CRIM1: variants seen among roughly 807,000 people sequenced by gnomAD.
CRIM1 encodes the protein cysteine-rich motor neuron 1 protein.
A neutral mutation model predicts 116.4 loss-of-function variants in CRIM1; 32 were observed. The observed-to-expected ratio is 0.27, with a 90% CI of 0.21 to 0.37. The LOEUF is 0.37. Among genes scored for constraint, CRIM1 ranks in the 10% least tolerant of loss-of-function variants. The pLI is 1.00. For synonymous variants in CRIM1, 590 were observed against 509.2 expected (o/e 1.16, Z -2.13); for missense variants, 1,331 against 1,354.8 (o/e 0.98, Z 0.28).
At chr2:36,432,223 T>C (rs848500) in intron 2 of CRIM1, among the ~76,000 whole-genome samples, 91,619 of 151,996 alleles carry the variant, frequency 0.6, 27,703 homozygotes, top group African/African-American at 0.65. Flanking sequence ...CAGAGAAGAC[T>C]GTAGTTTATT....
At chr2:36,367,640 C>T (rs1669685806) in intron 1 of CRIM1, among the ~76,000 whole-genome samples, 1 of 152,176 alleles carries the variant, frequency 6.6e-6, no homozygotes, top group Non-Finnish European at 1.5e-5. Context: ...CTTGTGTTTG[C>T]AGAGCCAGGG....
At chr2:36,384,877 G>A (rs557366004) in intron 1 of CRIM1, among the ~76,000 whole-genome samples, 1 of 152,286 alleles carries the variant, frequency 6.6e-6, no homozygotes, top group South Asian at 2.1e-4. Context: ...CTAACCATGT[G>A]GATCTTAATG....
chr2:36,360,202 C>T (rs956075958), intron 1 of CRIM1, among the ~76,000 whole-genome samples: 1 of 152,180 alleles, frequency 6.6e-6, no homozygotes, highest in Non-Finnish European at 1.5e-5. Flanking sequence ...GGTGAGAGAG[C>T]ATGACCAGCC....
intron 4 of CRIM1, among the ~76,000 whole-genome samples, chr2:36,447,772 A>G (rs372464383): frequency 5.3e-4 from 80 of 152,246 alleles, no homozygotes; most frequent in African/African-American, 1.9e-3. Context: ...ATCCACCCTA[A>G]TCTACATTTA....
chr2:36,373,434 T>C (rs1670076757), intron 1 of CRIM1, among the ~76,000 whole-genome samples: 1 of 152,232 alleles, frequency 6.6e-6, no homozygotes, highest in African/African-American at 2.4e-5. Context: ...TGGCTTAACC[T>C]GAGTCCTGAC....
At chr2:36,522,804 A>C (rs886714343) in intron 13 of CRIM1, among the ~76,000 whole-genome samples, 1 of 148,824 alleles carries the variant, frequency 6.7e-6, no homozygotes, top group African/African-American at 2.5e-5. Flanking sequence ...TCCATCTCAA[A>C]AAAAAAAAAA....
At chr2:36,465,872 A>C (rs913346647) in intron 5 of CRIM1, among the ~76,000 whole-genome samples, 14 of 151,792 alleles carry the variant, frequency 9.2e-5, no homozygotes, top group African/African-American at 3.2e-4. Flanking sequence ...CCTCAGATGT[A>C]AATAATCTTT....
chr2:36,458,816 G>A (rs28622501), intron 4 of CRIM1, among the ~76,000 whole-genome samples: 41,482 of 151,978 alleles, frequency 0.27, 5,939 homozygotes, highest in African/African-American at 0.36. Context: ...ATTTAGAGAA[G>A]AGTTTATTAT....
At chr2:36,510,943 T>C (rs55656641) in intron 9 of CRIM1, among the ~76,000 whole-genome samples, 6 of 150,108 alleles carry the variant, frequency 4.0e-5, no homozygotes, top group East Asian at 1.9e-4. Flanking sequence ...TTTTTTTTTT[T>C]CAGGCAGGGT....
chr2:36,542,865 C>G (rs1388358010), intron 14 of CRIM1, among the ~76,000 whole-genome samples: 3 of 152,248 alleles, frequency 2.0e-5, no homozygotes, highest in Non-Finnish European at 2.9e-5. Flanking sequence ...ATCACCTAGT[C>G]CAGACCTACC....
chr2:36,357,108 G>T lies in CRIM1; in HGVS notation c.331+485G>T, dbSNP rs540702191. 2.6e-4 allele frequency among the ~76,000 whole-genome samples: 40 copies of T among 152,308 alleles called. No individual in the cohort carries two copies. In the South Asian group the frequency reaches 7.2e-3, roughly 28 times the overall value. On this transcript the variant is annotated intron_variant, in intron 1 of 16. Coordinates refer to ENST00000280527, the MANE Select transcript of CRIM1 (RefSeq NM_016441.3). ...GGCGGAGGAGACGTGTCTCCAGCTC[G>T]CACTCCCCGAGTGACTCTTATTATT...
At chr2:36,542,361 A>G (rs879372536) in intron 14 of CRIM1, among the ~76,000 whole-genome samples, 2 of 152,262 alleles carry the variant, frequency 1.3e-5, no homozygotes, top group Admixed American at 1.3e-4. Context: ...AGATCCTTCT[A>G]ACTTTCCCTG....
At chr2:36,495,601 C>T (rs1208423552) in intron 7 of CRIM1, among the ~76,000 whole-genome samples, 1 of 150,944 alleles carries the variant, frequency 6.6e-6, no homozygotes, top group East Asian at 1.9e-4. Context: ...AAGAATCTGA[C>T]CAGCTCTTGG....
At chr2:36,483,398 G>A (rs542403357) in intron 7 of CRIM1, among the ~76,000 whole-genome samples, 1 of 152,284 alleles carries the variant, frequency 6.6e-6, no homozygotes, top group South Asian at 2.1e-4. Flanking sequence ...TCATACAATT[G>A]TTATGTGTCA....
chr2:36,406,671 C>G (rs550844332), intron 2 of CRIM1, among the ~76,000 whole-genome samples: 59 of 135,954 alleles, frequency 4.3e-4, no homozygotes, highest in African/African-American at 1.6e-3. Flanking sequence ...CAAACTGATT[C>G]TCTTACTCGT....
At chr2:36,534,116 A>G (rs1272897241) in intron 13 of CRIM1, among the ~76,000 whole-genome samples, 4 of 109,162 alleles carry the variant, frequency 3.7e-5, no homozygotes, top group East Asian at 3.2e-4. Flanking sequence ...GGAGGGAAGG[A>G]GGGGAAAGGA....
chr2:36,459,708 G>A (rs1211380380), intron 4 of CRIM1, among the ~76,000 whole-genome samples: 2 of 152,142 alleles, frequency 1.3e-5, no homozygotes. Flanking sequence ...GGGAGAGGCA[G>A]GGATTTGAGG....
intron 14 of CRIM1, among the ~76,000 whole-genome samples, chr2:36,540,158 A>C (rs1329342516): frequency 2.6e-5 from 4 of 152,152 alleles, no homozygotes; most frequent in Admixed American, 6.5e-5. Flanking sequence ...TAAACTGCTC[A>C]ATCAAGCGCC....
rs903519561 is a variant in CRIM1, at chr2:36,548,542, T to C, written c.2952T>C (p.Asn984=). Residue 984 remains asparagine, a synonymous_variant, in exon 17 of 17, where the codon AAT becomes AAC. Coordinates refer to ENST00000280527, the MANE Select transcript of CRIM1 (RefSeq NM_016441.3). The stretch of plus-strand genomic sequence containing the variant: ...TTAAATAGCCTTCTTCCTTAAATAA[T>C]CAGCTAGTATCTGTGGACTGCAAGA... The part of the protein sequence containing the change: ...RTPTKPSSLN[N]QLVSVDCKKG... The C allele has an allele frequency of 2.5e-6, 4 of 1,570,984 alleles. No homozygotes were observed. The African/African-American group carries it at 5.5e-5, about 22-fold the overall frequency.
Sources: allele counts gnomAD v4.1 joint callset (sites outside exome capture counted in the v4.1 genomes callset), GRCh38; gene constraint gnomAD v4.1.1; transcripts MANE v1.5; gene names NCBI Gene and HGNC (gene_info 2026-07-23, HGNC 2026-07-21).